Variants in DIAPH2 observed in about 807,000 individuals in gnomAD.
The protein encoded by DIAPH2 is protein diaphanous homolog 2.
Under a neutral mutation model 92.7 loss-of-function variants are expected in DIAPH2, and 35 were observed. That is an observed-to-expected ratio of 0.38 (90% CI 0.29 to 0.50). The LOEUF is 0.50. Among genes scored for constraint, DIAPH2 ranks in the 20% least tolerant of loss-of-function variants. The pLI is 0.94. For missense variants in DIAPH2, 701 were observed against 819.5 expected, an observed-to-expected ratio of 0.86 and a Z score of 1.77; for synonymous variants, 301 against 280.4, an observed-to-expected ratio of 1.07 and a Z score of -0.73.
At chrX:97,410,208 GTTTGCTGTTCTGCAATA>G (rs1047285917) in intron 25 of DIAPH2, among the ~76,000 whole-genome samples, 2 of 111,992 alleles carry the variant, frequency 1.8e-5, no homozygotes, top group African/African-American at 3.2e-5. Context: ...GTTCTGCAGT[GTTTGCTGTTCTGCAATA>G]TTTGCTGTTC....
At chrX:96,712,725 A>G (rs1344833993) in intron 1 of DIAPH2, among the ~76,000 whole-genome samples, 2 of 111,468 alleles carry the variant, frequency 1.8e-5, no homozygotes, top group Admixed American at 9.5e-5. Flanking sequence ...TACATAATCT[A>G]TGAAGAATAA....
intron 16 of DIAPH2, among the ~76,000 whole-genome samples, chrX:96,964,417 A>G (rs2065882407): frequency 1.8e-5 from 2 of 111,466 alleles, no homozygotes; most frequent in Admixed American, 9.6e-5. Context: ...GTGTAATGGT[A>G]GTTATACATC....
intron 4 of DIAPH2, among the ~76,000 whole-genome samples, chrX:96,838,686 G>A (rs1009849864): frequency 9.0e-6 from 1 of 111,595 alleles, no homozygotes; most frequent in African/African-American, 3.3e-5. Context: ...AGAAATGAGA[G>A]AGTCAAACAG....
At position 97,355,091 on chromosome X, in the gene DIAPH2, T is replaced by C. The variant is rs1317722452; in HGVS notation, c.3009+6811T>C. Among the ~76,000 whole-genome samples, 3 of 112,006 alleles carry C rather than the reference T, an allele frequency of 2.7e-5. No individual in the cohort carries two copies. The East Asian group carries it at 8.4e-4, about 31-fold the overall frequency. On this transcript the variant is annotated intron_variant, in intron 24 of 26. Transcript: ENST00000324765. ...AACCTAAACTTGTCTGAGAGCTCCC[T>C]GTGTAGCCATGTTGGCTTATGGAGA...
chrX:96,969,403 T>C (rs1468883343), intron 17 of DIAPH2, among the ~76,000 whole-genome samples: 1 of 111,279 alleles, frequency 9.0e-6, no homozygotes, highest in African/African-American at 3.3e-5. Context: ...TCATTATTTC[T>C]TTTAGTAGTT....
chrX:97,569,015 C>T (rs182994312), intron 26 of DIAPH2, among the ~76,000 whole-genome samples: 15 of 112,013 alleles, frequency 1.3e-4, no homozygotes, highest in African/African-American at 4.5e-4. Flanking sequence ...GAAACAGAGA[C>T]TTTATGCGAC....
At chrX:96,779,634 T>A (rs1452225934) in intron 4 of DIAPH2, among the ~76,000 whole-genome samples, 1 of 112,604 alleles carries the variant, frequency 8.9e-6, no homozygotes, top group Non-Finnish European at 1.9e-5. Context: ...AGAATGCCTT[T>A]AGCCATCTTC....
chrX:96,914,368 C>G (rs1386694504), intron 7 of DIAPH2, among the ~76,000 whole-genome samples: 1 of 111,019 alleles, frequency 9.0e-6, no homozygotes, highest in Non-Finnish European at 1.9e-5. Context: ...CTTCACAGCT[C>G]AAGATAGATC....
intron 5 of DIAPH2, among the ~76,000 whole-genome samples, chrX:96,896,029 G>T (rs138492215): frequency 2.7e-5 from 3 of 111,353 alleles, no homozygotes; most frequent in Non-Finnish European, 5.7e-5. Flanking sequence ...TTTTGAAGTG[G>T]GTATTTACAG....
At chrX:97,036,048 A>G in intron 17 of DIAPH2, among the ~76,000 whole-genome samples, 1 of 111,827 alleles carries the variant, frequency 8.9e-6, no homozygotes, top group South Asian at 3.7e-4. Context: ...GGATTGTAAT[A>G]TTAATTTGAA....
intron 17 of DIAPH2, among the ~76,000 whole-genome samples, 177 bp from the exon 18 acceptor site, chrX:97,072,764 A>T (rs2066677813): frequency 8.9e-6 from 1 of 112,043 alleles, no homozygotes; most frequent in Non-Finnish European, 1.9e-5. Flanking sequence ...ATTTGTAGTG[A>T]AAACTCTAAA....
intron 22 of DIAPH2, among the ~76,000 whole-genome samples, chrX:97,184,434 G>T (rs772197901): frequency 8.9e-6 from 1 of 111,858 alleles, no homozygotes; most frequent in East Asian, 2.8e-4. Context: ...CCCCATGCAT[G>T]CATACATATC....
intron 3 of DIAPH2, among the ~76,000 whole-genome samples, chrX:96,740,753 CTCCAGGTTTTGCCTAT>C (rs1403164789): frequency 9.0e-6 from 1 of 111,717 alleles, no homozygotes; most frequent in Non-Finnish European, 1.9e-5. Flanking sequence ...TCCTCCCATC[CTCCAGGTTTTGCCTAT>C]TCCAATCCAG....
chrX:97,498,673 T>G lies in DIAPH2; in HGVS notation c.3241+68928T>G, dbSNP rs142257823. Among the ~76,000 whole-genome samples, 478 of 111,545 alleles carry G rather than the reference T, an allele frequency of 4.3e-3. 1 individual carries two copies. Among genetic ancestry groups the G allele is most frequent in the African/African-American group, 0.015 (460 of 30,731 alleles). ...AGATGTTTACTTTTACTATATATCA[T>G]TGAATCAAAGATAGTATCAATCATA... On this transcript the variant is annotated intron_variant, in intron 26 of 26. Coordinates refer to ENST00000324765, the MANE Select transcript of DIAPH2 (RefSeq NM_006729.5).
At chrX:96,720,314 G>C (rs772246582) in intron 1 of DIAPH2, among the ~76,000 whole-genome samples, 1 of 111,190 alleles carries the variant, frequency 9.0e-6, no homozygotes, top group Non-Finnish European at 1.9e-5. Flanking sequence ...ACATACCACA[G>C]GCTCCAGCTC....
intron 17 of DIAPH2, among the ~76,000 whole-genome samples, chrX:97,006,419 C>T (rs937384038): frequency 3.6e-5 from 4 of 112,097 alleles, no homozygotes; most frequent in Non-Finnish European, 5.6e-5. Context: ...CTATCTTTGT[C>T]TTTAGCTCTA....
chrX:97,238,309 C>T (rs1033946232), intron 22 of DIAPH2, among the ~76,000 whole-genome samples: 8 of 112,132 alleles, frequency 7.1e-5, no homozygotes, highest in African/African-American at 2.6e-4. Context: ...TGAACTCAGA[C>T]ATTGAAGTGT....
chrX:97,374,014 CAGG>C (rs1458453943), intron 24 of DIAPH2, among the ~76,000 whole-genome samples: 1 of 109,560 alleles, frequency 9.1e-6, no homozygotes, highest in South Asian at 4.0e-4. Flanking sequence ...AGAGAGGTAA[CAGG>C]AGGTCAGATC....
intron 1 of DIAPH2, among the ~76,000 whole-genome samples, chrX:96,701,218 A>G (rs1222096602): frequency 8.9e-6 from 1 of 111,877 alleles, no homozygotes; most frequent in Non-Finnish European, 1.9e-5. Flanking sequence ...TGTATGTTAT[A>G]GTGTTCATTC....
Sources: gnomAD v4.1 joint callset for allele counts (sites outside exome capture counted in the v4.1 genomes callset) on GRCh38, gnomAD v4.1.1 for gene constraint, MANE v1.5 for transcripts, NCBI Gene and HGNC (gene_info 2026-07-23, HGNC 2026-07-21) for gene names.